Variants in CTNND2 observed in about 807,000 individuals in gnomAD.
CTNND2 encodes the protein catenin delta 2.
A neutral mutation model predicts 144.4 loss-of-function variants in CTNND2; 22 were observed. That is an observed-to-expected ratio of 0.15 (90% CI 0.11 to 0.22). The LOEUF (loss-of-function observed/expected upper bound fraction) is 0.22, where lower values mean the gene tolerates loss of function less well. CTNND2 is among the 10% of genes least tolerant of loss of function. CTNND2 has a pLI of 1.00. For synonymous variants in CTNND2, 751 were observed against 695.6 expected (o/e 1.08, Z -1.25); for missense variants, 1,353 against 1,618.8 (o/e 0.84, Z 2.82).
At chr5:11,073,181 T>C (rs1748537818) in intron 16 of CTNND2, among the ~76,000 whole-genome samples, 1 of 152,226 alleles carries the variant, frequency 6.6e-6, no homozygotes, top group African/African-American at 2.4e-5. Flanking sequence ...GATTGAGACT[T>C]TTGTTTTTAA....
intron 2 of CTNND2, among the ~76,000 whole-genome samples, chr5:11,624,687 G>A (rs1407460762): frequency 1.3e-5 from 2 of 151,888 alleles, no homozygotes; most frequent in African/African-American, 2.4e-5. Flanking sequence ...TTGTGATTTT[G>A]TTTTATAAGA....
At chr5:11,006,408 G>A (rs1374445822) in intron 18 of CTNND2, among the ~76,000 whole-genome samples, 5 of 152,208 alleles carry the variant, frequency 3.3e-5, no homozygotes, top group Admixed American at 1.3e-4. Context: ...GTATAGCTGC[G>A]GCCCTTACGG....
At chr5:11,502,301 G>A (rs1252324664) in intron 3 of CTNND2, among the ~76,000 whole-genome samples, 3 of 152,160 alleles carry the variant, frequency 2.0e-5, no homozygotes. Flanking sequence ...TCTAGGTACT[G>A]ACTGTATAGC....
intron 9 of CTNND2, among the ~76,000 whole-genome samples, chr5:11,314,520 G>A (rs1168398470): frequency 6.6e-6 from 1 of 152,104 alleles, no homozygotes; most frequent in Non-Finnish European, 1.5e-5. Context: ...ACGATGCCTA[G>A]CTAATTTATT....
intron 9 of CTNND2, among the ~76,000 whole-genome samples, chr5:11,295,336 T>G (rs536196431): frequency 1.3e-5 from 2 of 152,212 alleles, no homozygotes. Context: ...TAAAAGAGGA[T>G]ACAAACAAAT....
At chr5:11,101,456 G>T (rs1233441697) in intron 14 of CTNND2, among the ~76,000 whole-genome samples, 2 of 152,172 alleles carry the variant, frequency 1.3e-5, no homozygotes, top group Non-Finnish European at 2.9e-5. Flanking sequence ...GAAGATTCAA[G>T]AAAAATCATG....
intron 9 of CTNND2, among the ~76,000 whole-genome samples, chr5:11,304,071 G>A (rs1270896558): frequency 1.3e-5 from 2 of 152,086 alleles, no homozygotes; most frequent in East Asian, 3.9e-4. Flanking sequence ...CCCCAGCCAC[G>A]TGGAACTGTG....
At chr5:11,284,772 T>A (rs566009241) in intron 9 of CTNND2, among the ~76,000 whole-genome samples, 12 of 152,234 alleles carry the variant, frequency 7.9e-5, no homozygotes, top group Non-Finnish European at 1.8e-4. Flanking sequence ...CTTTTGGGTA[T>A]GCACCCAATA....
intron 3 of CTNND2, among the ~76,000 whole-genome samples, chr5:11,439,514 C>T (rs181647940): frequency 9.2e-5 from 14 of 152,200 alleles, no homozygotes; most frequent in Non-Finnish European, 2.1e-4. Flanking sequence ...GAGTTATAGT[C>T]GGAGTTATAG....
chr5:11,522,365 G>C (rs969395175), intron 3 of CTNND2, among the ~76,000 whole-genome samples: 3 of 152,154 alleles, frequency 2.0e-5, no homozygotes, highest in African/African-American at 7.2e-5. Context: ...TACGGCTTTA[G>C]TTTTCATCTG....
intron 16 of CTNND2, among the ~76,000 whole-genome samples, chr5:11,048,138 C>A (rs1340251998): frequency 2.0e-5 from 3 of 152,132 alleles, no homozygotes; most frequent in Non-Finnish European, 4.4e-5. Context: ...ATCACCTGAG[C>A]TCCCAGAACC....
At chr5:11,694,455 A>C (rs1036518658) in intron 2 of CTNND2, among the ~76,000 whole-genome samples, 1 of 152,004 alleles carries the variant, frequency 6.6e-6, no homozygotes, top group African/African-American at 2.4e-5. Flanking sequence ...AAAGAAAATG[A>C]AAAAAACAAA....
intron 16 of CTNND2, among the ~76,000 whole-genome samples, chr5:11,073,562 T>C (rs1748580959): frequency 6.6e-6 from 1 of 152,246 alleles, no homozygotes; most frequent in African/African-American, 2.4e-5. Context: ...AATAGAATAA[T>C]GATTGGCTCT....
intron 1 of CTNND2, among the ~76,000 whole-genome samples, chr5:11,868,438 A>C (rs1481522774): frequency 6.6e-6 from 1 of 152,222 alleles, no homozygotes; most frequent in Non-Finnish European, 1.5e-5. Context: ...AAATGACTGA[A>C]TATTCAGAAT....
At chr5:11,878,510 G>C (rs1348993886) in intron 1 of CTNND2, among the ~76,000 whole-genome samples, 2 of 152,140 alleles carry the variant, frequency 1.3e-5, no homozygotes, top group African/African-American at 4.8e-5. Context: ...GCAAATGTTT[G>C]GCAGTGTTCT....
chr5:11,034,340 G>A lies in CTNND2; in HGVS notation c.2789-11361C>T, dbSNP rs192112150. Among the ~76,000 whole-genome samples, 4 of 152,258 alleles carry A rather than the reference G, an allele frequency of 2.6e-5. No homozygotes were observed. In the East Asian group the frequency reaches 7.7e-4, roughly 29 times the overall value. On this transcript the variant is annotated intron_variant, in intron 16 of 21. Transcript: ENST00000304623. ...AACGAGTGTTCAGCTAGATTGAATTGTAATAACTGCTGTTTCATGAAGGAG... is the reference window on the plus strand; with the variant it reads ...AACGAGTGTTCAGCTAGATTGAATTATAATAACTGCTGTTTCATGAAGGAG...
At chr5:11,214,387 A>T (rs1356464119) in intron 10 of CTNND2, among the ~76,000 whole-genome samples, 1 of 152,194 alleles carries the variant, frequency 6.6e-6, no homozygotes, top group Non-Finnish European at 1.5e-5. Context: ...TACTTTAAAA[A>T]TTTTCAGATG....
At chr5:11,472,880 A>T (rs1040512601) in intron 3 of CTNND2, among the ~76,000 whole-genome samples, 7 of 152,106 alleles carry the variant, frequency 4.6e-5, no homozygotes, top group Non-Finnish European at 1.0e-4. Flanking sequence ...AAGAGGAGAG[A>T]CCTTTACTGA....
intron 3 of CTNND2, among the ~76,000 whole-genome samples, chr5:11,535,973 T>C (rs1039269303): frequency 2.0e-5 from 3 of 152,254 alleles, no homozygotes; most frequent in Admixed American, 6.5e-5. Context: ...AGGCTTGTTA[T>C]AGAATTTAGT....
Sources: allele counts gnomAD v4.1 joint callset (sites outside exome capture counted in the v4.1 genomes callset), GRCh38; gene constraint gnomAD v4.1.1; transcripts MANE v1.5; gene names NCBI Gene and HGNC (gene_info 2026-07-23, HGNC 2026-07-21).